SNX29: variants seen among roughly 807,000 people sequenced by gnomAD.
The protein encoded by SNX29 is sorting nexin 29.
In SNX29, 78 loss-of-function variants were observed where a neutral mutation model predicts 102.1. The observed-to-expected ratio is 0.76, with a 90% confidence interval of 0.64 to 0.92. The LOEUF is 0.92. Ranked by LOEUF, SNX29 falls within the 40% of genes least tolerant of loss-of-function variation. The probability of loss-of-function intolerance (pLI) is 0.00; values close to 1 mark genes in which losing one functional copy is unlikely to be tolerated. For synonymous variants in SNX29, 580 were observed against 414.5 expected (o/e 1.40, Z -4.85); for missense variants, 1,280 against 1,061.7 (o/e 1.21, Z -2.86).
intron 19 of SNX29, among the ~76,000 whole-genome samples, chr16:12,497,432 G>T (rs1015543042): frequency 2.6e-5 from 4 of 152,184 alleles, no homozygotes; most frequent in African/African-American, 7.2e-5. Context: ...GGGAGCACAC[G>T]GGAGAGTGTA....
At chr16:12,353,919 A>C (rs1236416370) in intron 15 of SNX29, among the ~76,000 whole-genome samples, 2 of 152,184 alleles carry the variant, frequency 1.3e-5, no homozygotes, top group Non-Finnish European at 2.9e-5. Context: ...ATTGGAGGGC[A>C]CCTGTTCTCT....
intron 13 of SNX29, among the ~76,000 whole-genome samples, chr16:12,142,169 A>G (rs987748514): frequency 1.3e-5 from 2 of 152,190 alleles, no homozygotes; most frequent in Non-Finnish European, 2.9e-5. Context: ...GTCCTTGTCT[A>G]GAGACTGGAT....
At chr16:12,025,635 C>T (rs1399133728) in intron 3 of SNX29, among the ~76,000 whole-genome samples, 1 of 152,162 alleles carries the variant, frequency 6.6e-6, no homozygotes, top group Non-Finnish European at 1.5e-5. Flanking sequence ...TGGTCATTTG[C>T]CAGTGGTGGC....
At chr16:12,219,003 T>C (rs555474948) in intron 14 of SNX29, among the ~76,000 whole-genome samples, 2 of 152,142 alleles carry the variant, frequency 1.3e-5, no homozygotes, top group Non-Finnish European at 2.9e-5. Context: ...CTCGATCTCC[T>C]GACCTTGTGA....
At chr16:12,566,281 G>A (rs991416016) in intron 20 of SNX29, among the ~76,000 whole-genome samples, 1 of 152,164 alleles carries the variant, frequency 6.6e-6, no homozygotes, top group Non-Finnish European at 1.5e-5. Context: ...CCCACAGCAG[G>A]ACTGGACAGA....
rs536230861 is a variant in SNX29 at position 12,078,450 on chromosome 16, G to GA, written c.1320-374dup. Among the ~76,000 whole-genome samples, 866 of 150,860 alleles carry GA rather than the reference G, an allele frequency of 5.7e-3. 6 individuals are homozygous for GA. The highest frequency in any genetic ancestry group is 0.019 in the African/African-American group (797 of 41,118). On this transcript the variant is annotated intron_variant, in intron 10 of 20. Coordinates refer to ENST00000566228, the MANE Select transcript of SNX29 (RefSeq NM_032167.5). The stretch of plus-strand genomic sequence containing the variant: ...AGATCACGCAAAAGAAAGAAAAGTG[G>GA]AAAAAAAAATGCTAAAAACATGGCA...
intron 19 of SNX29, among the ~76,000 whole-genome samples, chr16:12,523,491 C>G (rs758914578): frequency 3.9e-5 from 6 of 152,212 alleles, no homozygotes; most frequent in African/African-American, 1.4e-4. Context: ...CCCAGGGTGT[C>G]TTTGTTACAA....
intron 16 of SNX29, among the ~76,000 whole-genome samples, chr16:12,370,552 T>C (rs528111357): frequency 9.8e-5 from 15 of 152,292 alleles, no homozygotes; most frequent in African/African-American, 2.6e-4. Context: ...AGAGCGAAAC[T>C]CCGTCTCAAA....
At chr16:12,195,826 C>G (rs938022118) in intron 13 of SNX29, among the ~76,000 whole-genome samples, 1 of 152,068 alleles carries the variant, frequency 6.6e-6, no homozygotes, top group African/African-American at 2.4e-5. Context: ...TAAAACCAAC[C>G]TCGTGATGTG....
intron 15 of SNX29, among the ~76,000 whole-genome samples, chr16:12,307,001 G>A (rs974310868): frequency 2.0e-5 from 3 of 152,086 alleles, no homozygotes; most frequent in South Asian, 2.1e-4. Flanking sequence ...TCCTTTGGAG[G>A]GACCCGGAGT....
chr16:12,546,017 C>CA (rs954104121), intron 20 of SNX29, among the ~76,000 whole-genome samples: 4 of 152,036 alleles, frequency 2.6e-5, no homozygotes, highest in African/African-American at 4.8e-5. Context: ...AAACAGAAAA[C>CA]AAAAAAACCC....
chr16:12,225,298 G>A (rs1290257089), intron 14 of SNX29, among the ~76,000 whole-genome samples: 1 of 152,084 alleles, frequency 6.6e-6, no homozygotes, highest in African/African-American at 2.4e-5. Flanking sequence ...CGGCTTGGCT[G>A]TGTCCCCATC....
intron 15 of SNX29, among the ~76,000 whole-genome samples, chr16:12,300,638 GA>G (rs2080138706): frequency 6.6e-6 from 1 of 152,192 alleles, no homozygotes; most frequent in South Asian, 2.1e-4. Flanking sequence ...AAGCTGTTGA[GA>G]AAAACCAGAT....
chr16:12,101,772 T>C (rs775265142), intron 11 of SNX29, among the ~76,000 whole-genome samples: 3 of 152,172 alleles, frequency 2.0e-5, no homozygotes, highest in Non-Finnish European at 2.9e-5. Context: ...AAGTATCTTT[T>C]TAATTTAAAT....
At chr16:12,133,430 C>T (rs558256775) in intron 13 of SNX29, among the ~76,000 whole-genome samples, 1 of 151,890 alleles carries the variant, frequency 6.6e-6, no homozygotes, top group East Asian at 1.9e-4. Context: ...GCTGGGACTA[C>T]AGGCATGCAC....
intron 13 of SNX29, among the ~76,000 whole-genome samples, chr16:12,171,791 C>T (rs1161621787): frequency 2.0e-5 from 3 of 152,226 alleles, no homozygotes; most frequent in African/African-American, 4.8e-5. Context: ...TATATGTACT[C>T]AGCCTCTAAT....
intron 14 of SNX29, among the ~76,000 whole-genome samples, chr16:12,199,895 A>G (rs1186303351): frequency 6.6e-6 from 1 of 152,232 alleles, no homozygotes; most frequent in Admixed American, 6.5e-5. Context: ...CTCACTTGCT[A>G]GACTATTAGC....
intron 1 of SNX29, among the ~76,000 whole-genome samples, chr16:11,996,223 AAAAT>A (rs1276479163): frequency 2.0e-5 from 3 of 152,200 alleles, no homozygotes; most frequent in South Asian, 2.1e-4. Context: ...ATAAAAAATA[AAAAT>A]AAATAAATTA....
intron 19 of SNX29, among the ~76,000 whole-genome samples, chr16:12,514,651 G>A (rs936686914): frequency 4.0e-4 from 61 of 152,242 alleles, no homozygotes; most frequent in African/African-American, 1.4e-3. Flanking sequence ...AATCACTTGA[G>A]GCCAGGAGTT....
Sources: gnomAD v4.1 joint callset for allele counts (sites outside exome capture counted in the v4.1 genomes callset) on GRCh38, gnomAD v4.1.1 for gene constraint, MANE v1.5 for transcripts, NCBI Gene and HGNC (gene_info 2026-07-23, HGNC 2026-07-21) for gene names.